Variants in RAP1GAP2 observed in about 807,000 individuals in gnomAD.
The protein encoded by RAP1GAP2 is RAP1 GTPase activating protein 2, also known as rap1 GTPase-activating protein 2.
A neutral mutation model predicts 95.0 loss-of-function variants in RAP1GAP2; 27 were observed. That is an observed-to-expected ratio of 0.28 (90% CI 0.21 to 0.39). The LOEUF is 0.39. Among genes scored for constraint, RAP1GAP2 ranks in the 10% least tolerant of loss-of-function variants. The pLI is 1.00. For missense variants in RAP1GAP2, 771 were observed against 970.0 expected, an observed-to-expected ratio of 0.79 and a Z score of 2.72; for synonymous variants, 373 against 380.9, an observed-to-expected ratio of 0.98 and a Z score of 0.24.
chr17:2,821,753 G>A (rs1172870585), intron 2 of RAP1GAP2, among the ~76,000 whole-genome samples: 1 of 152,114 alleles, frequency 6.6e-6, no homozygotes, highest in African/African-American at 2.4e-5. Flanking sequence ...CATCTCAAGG[G>A]CTCAGTAGCC....
In RAP1GAP2 at chr17:2,866,760, C is replaced by T. The variant is rs1290412620; in HGVS notation, c.81-38524C>T. 4.0e-5 allele frequency among the ~76,000 whole-genome samples: 6 copies of T among 150,590 alleles called. No individual in the cohort carries two copies. The highest frequency in any genetic ancestry group is 3.9e-4 in the East Asian group (2 of 5,096). ...GATTACAGGTGTCCGCCACCAGGTC[C>T]GGCTAATTTTTATGTTTTTAGTAGA... On this transcript the variant is annotated intron_variant, in intron 2 of 24. Transcript: ENST00000254695. This position sits in a 1 kb window ranked among gnomAD's most constrained non-coding sequence, Gnocchi z 4.0.
In RAP1GAP2 at chr17:2,870,629, C is replaced by A. The variant is rs2072805817; in HGVS notation, c.81-34655C>A. ...ACCCTTTCACGTAATATACTTACAT[C>A]TGCATCTACGTCTGTTTCTCTGTAT... On this transcript the variant is annotated intron_variant, in intron 2 of 24. Coordinates refer to ENST00000254695, the MANE Select transcript of RAP1GAP2 (RefSeq NM_015085.5). This position sits in a 1 kb window ranked among gnomAD's most constrained non-coding sequence, Gnocchi z 4.4. Among the ~76,000 whole-genome samples the A allele has an allele frequency of 6.6e-6, 1 of 152,140 alleles. No individual in the cohort carries two copies. Among genetic ancestry groups the A allele is most frequent in the South Asian group, 2.1e-4 (1 of 4,832 alleles).
chr17:2,790,359 G>A (rs1004568574), intron 1 of RAP1GAP2, among the ~76,000 whole-genome samples: 1 of 152,110 alleles, frequency 6.6e-6, no homozygotes, highest in African/African-American at 2.4e-5. Flanking sequence ...TGATCCACCC[G>A]CCTTGGCAGG....
intron 1 of RAP1GAP2, among the ~76,000 whole-genome samples, chr17:2,789,948 T>G (rs567278649): frequency 2.6e-4 from 39 of 152,288 alleles, no homozygotes; most frequent in African/African-American, 7.7e-4. Flanking sequence ...CTTGAGATAG[T>G]GCAGGTGGGC....
intron 2 of RAP1GAP2, among the ~76,000 whole-genome samples, chr17:2,864,821 C>G (rs1178387654): frequency 6.6e-6 from 1 of 152,214 alleles, no homozygotes; most frequent in Non-Finnish European, 1.5e-5. Flanking sequence ...CTCCCTCCCC[C>G]TCCTGAATTA....
intron 2 of RAP1GAP2, among the ~76,000 whole-genome samples, chr17:2,803,946 G>A (rs1325257237): frequency 6.6e-6 from 1 of 152,166 alleles, no homozygotes; most frequent in African/African-American, 2.4e-5. Flanking sequence ...AAGACAGTGT[G>A]GTACGGACAT....
chr17:2,874,200 T>G (rs1178931274), intron 2 of RAP1GAP2, among the ~76,000 whole-genome samples: 2 of 152,176 alleles, frequency 1.3e-5, no homozygotes, highest in Admixed American at 1.3e-4. Flanking sequence ...ATAAGAGGCA[T>G]AAGATTGAGC....
chr17:2,766,510 T>C (rs2151760640), intron 1 of RAP1GAP2, among the ~76,000 whole-genome samples: 1 of 152,126 alleles, frequency 6.6e-6, no homozygotes, highest in East Asian at 1.9e-4. Flanking sequence ...CTTGGGAGGC[T>C]GAGGCAGGAG....
intron 3 of RAP1GAP2, among the ~76,000 whole-genome samples, chr17:2,934,978 A>C (rs1389083572): frequency 6.6e-6 from 1 of 152,128 alleles, no homozygotes; most frequent in East Asian, 1.9e-4. Flanking sequence ...AGCTTTAGGG[A>C]AGACGGGTGG....
chr17:2,772,843 T>TTTTCTTTC (rs60767054), upstream of RAP1GAP2, among the ~76,000 whole-genome samples: 22 of 131,116 alleles, frequency 1.7e-4, no homozygotes, highest in African/African-American at 5.1e-4. Context: ...TTCTTTTTCT[T>TTTTCTTTC]TTTCTTTCTT....
At chr17:2,986,541 T>A (rs8077953) in intron 11 of RAP1GAP2, among the ~76,000 whole-genome samples, 53,057 of 109,500 alleles carry the variant, frequency 0.48, 9,360 homozygotes, top group East Asian at 0.59. Context: ...AAGAAGATAA[T>A]TTTTTTTTTT....
intron 2 of RAP1GAP2, among the ~76,000 whole-genome samples, chr17:2,872,579 C>A (rs1226675942): frequency 1.3e-5 from 2 of 152,110 alleles, no homozygotes; most frequent in African/African-American, 4.8e-5. Context: ...GTTTCTGTTA[C>A]CCGCAGTCAT....
Position 2,948,780 on chromosome 17 carries a change from A to T in RAP1GAP2, c.166-8979A>T, listed in dbSNP as rs534188642. Among the ~76,000 whole-genome samples the T allele has an allele frequency of 1.9e-4, 29 of 150,912 alleles. No individual in the cohort carries two copies. The South Asian group carries it at 5.2e-3, about 27-fold the overall frequency. The stretch of plus-strand genomic sequence containing the variant: ...CAGGAGAAGCTGTGCCTGTGTGTAG[A>T]GCTGCTGTGGACCAGGGGGAGGCAG... On this transcript the variant is annotated intron_variant, in intron 3 of 24. Transcript: ENST00000254695.
chr17:2,758,091 G>T (rs1005840766), intron 1 of RAP1GAP2, among the ~76,000 whole-genome samples: 47 of 150,152 alleles, frequency 3.1e-4, no homozygotes, highest in South Asian at 8.4e-4. Context: ...GGATGGTGTC[G>T]ATCTCCTGAC....
rs1567914805 is a variant in RAP1GAP2, at chr17:3,027,518, G to A, written c.2107+448G>A. ...GGAACAGCATGTGGAAAGGCCCAGA[G>A]GAGAGGAGAGAGCGGGTATTCCGGA... On this transcript the variant is annotated intron_variant, in intron 22 of 24. Coordinates refer to ENST00000254695, the MANE Select transcript of RAP1GAP2 (RefSeq NM_015085.5). This position sits in a 1 kb window ranked among gnomAD's most constrained non-coding sequence, Gnocchi z 5.2. Among the ~76,000 whole-genome samples the A allele has an allele frequency of 6.6e-6, 1 of 152,184 alleles. No individual in the cohort carries two copies. Among genetic ancestry groups the A allele is most frequent in the Non-Finnish European group, 1.5e-5 (1 of 68,038 alleles).
rs1478852466 is a variant in RAP1GAP2, at chr17:3,027,928, A to T, written c.2107+858A>T. 6.6e-6 allele frequency among the ~76,000 whole-genome samples: 1 copy of T among 152,014 alleles called. No individual in the cohort carries two copies. The highest frequency in any genetic ancestry group is 2.4e-5 in the African/African-American group (1 of 41,388). Reference sequence around the variant, plus strand: ...CGTTTTGGGGTTCTGTGATCCCTGCAGTTGGTCAGAATAGGGGGGCCAGCA... The same window carrying T: ...CGTTTTGGGGTTCTGTGATCCCTGCTGTTGGTCAGAATAGGGGGGCCAGCA... On this transcript the variant is annotated intron_variant, in intron 22 of 24. Coordinates refer to ENST00000254695, the MANE Select transcript of RAP1GAP2 (RefSeq NM_015085.5). This position sits in a 1 kb window ranked among gnomAD's most constrained non-coding sequence, Gnocchi z 5.2.
chr17:2,942,996 T>C (rs932201177), intron 3 of RAP1GAP2, among the ~76,000 whole-genome samples: 3 of 152,060 alleles, frequency 2.0e-5, no homozygotes, highest in Admixed American at 6.6e-5. Context: ...CTTGAACTCC[T>C]GACCTCAAGT....
chr17:2,913,872 C>G (rs1040829166), intron 3 of RAP1GAP2, among the ~76,000 whole-genome samples: 2 of 149,178 alleles, frequency 1.3e-5, no homozygotes, highest in South Asian at 4.4e-4. Flanking sequence ...TGTTCTAGAA[C>G]TTAATTTTTT....
chr17:3,005,585 G>T lies in RAP1GAP2; in HGVS notation c.1272+145G>T, dbSNP rs1320749032. 1 of 927,098 alleles carries T rather than the reference G, an allele frequency of 1.1e-6. No individual in the cohort carries two copies. The highest frequency in any genetic ancestry group is 1.6e-5 in the African/African-American group (1 of 61,422). The allele number at this position is 927,098 out of a possible 1,614,324, so 57.4% of individuals were successfully genotyped here. On this transcript the variant is annotated intron_variant, in intron 15 of 24. Coordinates refer to ENST00000254695, the MANE Select transcript of RAP1GAP2 (RefSeq NM_015085.5). The surrounding 1 kb of genome is among the most constrained non-coding windows in gnomAD (Gnocchi z 5.2). ...GTTTTGGGGGGAACCTCCTTTCTTGGGGTCTCTCCCCACCTCTTTCATGCT... is the reference window on the plus strand; with the variant it reads ...GTTTTGGGGGGAACCTCCTTTCTTGTGGTCTCTCCCCACCTCTTTCATGCT...
Sources: gnomAD v4.1 joint callset for allele counts (sites outside exome capture counted in the v4.1 genomes callset) on GRCh38, gnomAD v4.1.1 for gene constraint, Gnocchi (gnomAD v3.1) non-coding constraint, MANE v1.5 for transcripts, NCBI Gene and HGNC (gene_info 2026-07-23, HGNC 2026-07-21) for gene names.